The following GATD1 variants were observed in gnomAD, a reference collection of about 807,000 sequenced individuals.
GATD1 encodes the protein glutamine amidotransferase-like class 1 domain-containing protein 1.
In GATD1, 23 loss-of-function variants were observed where a neutral mutation model predicts 25.9. The observed-to-expected ratio is 0.89, with a 90% CI of 0.64 to 1.26. The LOEUF is 1.26. GATD1 is among the 50% of genes most tolerant of loss of function. The pLI is 0.00. For missense variants in GATD1, 347 were observed against 312.5 expected, an observed-to-expected ratio of 1.11 and a Z score of -0.83; for synonymous variants, 177 against 134.6, an observed-to-expected ratio of 1.31 and a Z score of -2.18.
rs182087575 is a variant in GATD1 at position 771,324 on chromosome 11, G to A, written c.544+9C>T. The A allele has an allele frequency of 2.1e-5, 33 of 1,603,848 alleles. No homozygotes were observed. The East Asian group carries it at 3.1e-4, about 15-fold the overall frequency. On this transcript the variant is annotated intron_variant, in intron 6 of 7. Coordinates refer to ENST00000319863, the MANE Select transcript of GATD1 (RefSeq NM_182612.4). ...TTCTGTAAGTGCAGGGGGCACCCTC[G>A]AGGCTCACCACTGAAGCAGGCGCCC...
chr11:774,652 G>A (rs1180227653), intron 2 of GATD1, among the ~76,000 whole-genome samples: 1 of 152,232 alleles, frequency 6.6e-6, no homozygotes, highest in African/African-American at 2.4e-5. Flanking sequence ...CCAACACGGT[G>A]AAAACCCATC....
intron 5 of GATD1, 107 bp downstream of exon 5, chr11:772,320 T>C (rs562222798): frequency 1.2e-5 from 9 of 756,210 alleles, no homozygotes; most frequent in South Asian, 1.2e-4. Flanking sequence ...GAGCACAGCG[T>C]GCCTCGGCCT....
intron 1 of GATD1, among the ~76,000 whole-genome samples, chr11:776,417 C>G (rs972707153): frequency 2.6e-5 from 4 of 152,180 alleles, no homozygotes; most frequent in Non-Finnish European, 5.9e-5. Flanking sequence ...GTGCTGCCCC[C>G]AGCCTGCTGG....
At chr11:772,674 T>G in intron 4 of GATD1, 153 bp from the exon 5 acceptor site, 94 of 651,552 alleles carry the variant, frequency 1.4e-4, no homozygotes, top group Non-Finnish European at 1.6e-4. Flanking sequence ...AGCACCCGGG[T>G]GTCCTGGCTC....
Position 772,505 on chromosome 11 carries a change from G to A in GATD1, c.372C>T (p.Val124=), listed in dbSNP as rs756281713. The part of the protein sequence containing the change: ...FHSESKPICA[V]GHGVAALCCA... ...AGCACAGGGCGGCGACACCGTGGCCGACGGCGCAGATGGGTTCTGAAAGCC... is the reference window on the plus strand; with the variant it reads ...AGCACAGGGCGGCGACACCGTGGCCAACGGCGCAGATGGGTTCTGAAAGCC... Residue 124 remains valine (V), a synonymous_variant, in exon 5 of 8, where the codon GTC becomes GTT. Transcript: ENST00000319863. 8.7e-6 allele frequency: 14 copies of A among 1,611,586 alleles called. No individual in the cohort carries two copies. The highest frequency in any genetic ancestry group is 5.0e-5 in the Admixed American group (3 of 60,002).
In GATD1 at chr11:771,053, C is replaced by A; in HGVS notation, c.596G>T (p.Gly199Val). Residue 199 changes from glycine to valine, a missense_variant, in exon 7 of 8, where the codon GGC becomes GTC. By Grantham distance (109) the Gly-to-Val change is moderately radical (BLOSUM62 -3). Coordinates refer to ENST00000319863, the MANE Select transcript of GATD1 (RefSeq NM_182612.4). ...HVVLDRHLVT[G>V]QNASSTVPAV... Reference sequence around the variant, plus strand: ...CGGGACAGTGGAGCTGGCATTCTGGCCTGTGACCAGGTGGCGGTCCAGCAC... The same window carrying A: ...CGGGACAGTGGAGCTGGCATTCTGGACTGTGACCAGGTGGCGGTCCAGCAC... 6.2e-7 allele frequency: 1 copy of A among 1,612,220 alleles called. No individual in the cohort carries two copies. Among genetic ancestry groups the A allele is most frequent in the Non-Finnish European group, 8.5e-7 (1 of 1,179,786 alleles).
chr11:774,858 C>T (rs745969710), intron 2 of GATD1, among the ~76,000 whole-genome samples: 8 of 152,050 alleles, frequency 5.3e-5, no homozygotes, highest in Admixed American at 2.6e-4. Context: ...AAAAGGTCTC[C>T]CTCATCACAG....
In GATD1 at chr11:767,463, A is replaced by G. The variant is rs1391136807; in HGVS notation, c.*3434T>C. ...AGGAATGACGCAGGGGCCTGCAGGC[A>G]GCTCACGCGGAGACAGGTCTGTGGG... On this transcript the variant is annotated 3_prime_UTR_variant, in exon 8 of 8. Transcript: ENST00000319863. 1 of 1,458,964 alleles carries G rather than the reference A, an allele frequency of 6.9e-7. No individual in the cohort carries two copies. The highest frequency in any genetic ancestry group is 9.0e-7 in the Non-Finnish European group (1 of 1,111,458). The allele number at this position is 1,458,964 out of a possible 1,614,324, so 90.4% of individuals were successfully genotyped here.
chr11:771,361 G>A lies in GATD1; in HGVS notation c.516C>T (p.Phe172=), dbSNP rs372324568. 238 of 1,595,452 alleles carry A rather than the reference G, an allele frequency of 1.5e-4. No homozygotes were observed. Among genetic ancestry groups the A allele is most frequent in the Non-Finnish European group, 2.0e-4 (233 of 1,170,734 alleles). The part of the protein sequence containing the change: ...FARLPLVVED[F]VKDSGACFSA... The stretch of plus-strand genomic sequence containing the variant: ...TGAAGCAGGCGCCCGAATCCTTCAC[G>A]AAGTCCTCCACCACGAGCGGCAGGC... Residue 172 remains phenylalanine (F), a synonymous_variant, in exon 6 of 8, where the codon TTC becomes TTT. Transcript: ENST00000319863.
chr11:771,483 G>A (rs1022993543), intron 5 of GATD1, 57 bp from the exon 6 acceptor site: 2 of 1,480,546 alleles, frequency 1.4e-6, no homozygotes, highest in Admixed American at 2.5e-5. Flanking sequence ...GCCCACCCCA[G>A]GGGTCAGGAA....
rs1863670049 is a variant in GATD1, at chr11:773,619, G to A, written c.258C>T (p.Tyr86=). 6.2e-7 allele frequency: 1 copy of A among 1,606,880 alleles called. No individual in the cohort carries two copies. Among genetic ancestry groups the A allele is most frequent in the African/African-American group, 1.3e-5 (1 of 74,570 alleles). ...GACAGCTGGGGATCAGGAGGGCATG[G>A]TACCGGGCACCTGGGGGGAGACCAC... is the stretch of plus-strand genomic sequence containing the variant. The part of the protein sequence containing the change: ...AKLESIDGAR[Y]HALLIPSCPG... The change falls in exon 4 of 8, where the codon TAC becomes TAT. Residue 86 remains tyrosine, a synonymous_variant. Transcript: ENST00000319863.
rs567942198 is a variant in GATD1 at position 774,360 on chromosome 11, C to T, written c.142-247G>A. 3.3e-5 allele frequency among the ~76,000 whole-genome samples: 5 copies of T among 152,352 alleles called. No homozygotes were observed. In the South Asian group the frequency reaches 1.0e-3, roughly 32 times the overall value. On this transcript the variant is annotated intron_variant, in intron 2 of 7. Transcript: ENST00000319863. ...TTATACATAATAAATAAACAAAAACCCGCAGTGACAAATACATAATGCATC... is the reference window on the plus strand; with the variant it reads ...TTATACATAATAAATAAACAAAAACTCGCAGTGACAAATACATAATGCATC...
At position 770,569 on chromosome 11, in the gene GATD1, C is replaced by T; in HGVS notation, c.*328G>A. On this transcript the variant is annotated 3_prime_UTR_variant, in exon 8 of 8. Transcript: ENST00000319863. Reference sequence around the variant, plus strand: ...GCCGACTCTGTCTAGTCAACAGTGACCACACGTGACAACCAGTCCTCCCTA... The same window carrying T: ...GCCGACTCTGTCTAGTCAACAGTGATCACACGTGACAACCAGTCCTCCCTA... The T allele has an allele frequency of 7.1e-7, 1 of 1,413,170 alleles. No individual in the cohort carries two copies. The highest frequency in any genetic ancestry group is 9.2e-7 in the Non-Finnish European group (1 of 1,086,444). The allele number at this position is 1,413,170 out of a possible 1,614,324, so 87.5% of individuals were successfully genotyped here.
Position 770,874 on chromosome 11 carries a change from G to A in GATD1, c.*23C>T. The A allele has an allele frequency of 6.3e-7, 1 of 1,596,886 alleles. No homozygotes were observed. The highest frequency in any genetic ancestry group is 8.5e-7 in the Non-Finnish European group (1 of 1,169,970). On this transcript the variant is annotated 3_prime_UTR_variant, in exon 8 of 8. Coordinates refer to ENST00000319863, the MANE Select transcript of GATD1 (RefSeq NM_182612.4). Reference sequence around the variant, plus strand: ...CTCTGGAGACACCTGGGCTGTCTCAGGGGGTGCATCTACCCAGCAGGTTCA... The same window carrying A: ...CTCTGGAGACACCTGGGCTGTCTCAAGGGGTGCATCTACCCAGCAGGTTCA...
In GATD1 at chr11:770,448, G is replaced by C; in HGVS notation, c.*449C>G. On this transcript the variant is annotated 3_prime_UTR_variant, in exon 8 of 8. Coordinates refer to ENST00000319863, the MANE Select transcript of GATD1 (RefSeq NM_182612.4). ...CCAAAGTTCTGAGCCAGCTCCCGCC[G>C]GCTGGGCCCTCCCCTCAAGGCCCCC... 6.8e-7 allele frequency: 1 copy of C among 1,479,524 alleles called. No homozygotes were observed. The highest frequency in any genetic ancestry group is 1.3e-5 in the South Asian group (1 of 76,444). The allele number at this position is 1,479,524 out of a possible 1,614,324, so 91.6% of individuals were successfully genotyped here. A position where few individuals can be genotyped will look rare whatever the true frequency, so the allele number is the denominator to read the frequency against.
chr11:771,933 C>T (rs533099968), intron 5 of GATD1, among the ~76,000 whole-genome samples: 21 of 152,136 alleles, frequency 1.4e-4, no homozygotes, highest in Admixed American at 5.9e-4. Flanking sequence ...AACCAGCCTC[C>T]GCACAGCAGC....
At chr11:773,407 C>T in intron 4 of GATD1, 115 bp downstream of exon 4, 1 of 855,172 alleles carries the variant, frequency 1.2e-6, no homozygotes, top group Non-Finnish European at 1.9e-6. Context: ...GGCCACTGAC[C>T]AGAGATCCAG....
At chr11:774,660 A>G (rs559954470) in intron 2 of GATD1, among the ~76,000 whole-genome samples, 50 of 152,272 alleles carry the variant, frequency 3.3e-4, no homozygotes, top group Admixed American at 1.9e-3. Context: ...GTGAAAACCC[A>G]TCTCTACTAA....
At position 768,890 on chromosome 11, in the gene GATD1, C is replaced by G. The variant is rs1863209358; in HGVS notation, c.*2007G>C. The G allele has an allele frequency of 6.5e-6, 1 of 152,922 alleles. No individual in the cohort carries two copies. The highest frequency in any genetic ancestry group is 6.6e-5 in the Admixed American group (1 of 15,264). The allele number at this position is 152,922 out of a possible 1,614,324, so 9.5% of individuals were successfully genotyped here. ...CCGAGGCGGGAGGATCACTTGAGGTCAGGAGTTCGAGACCAGCCTGGCCAA... is the reference window on the plus strand; with the variant it reads ...CCGAGGCGGGAGGATCACTTGAGGTGAGGAGTTCGAGACCAGCCTGGCCAA... On this transcript the variant is annotated 3_prime_UTR_variant, in exon 8 of 8. Coordinates refer to ENST00000319863, the MANE Select transcript of GATD1 (RefSeq NM_182612.4).
Sources: gnomAD v4.1 joint callset for allele counts (sites outside exome capture counted in the v4.1 genomes callset) on GRCh38, gnomAD v4.1.1 for gene constraint, MANE v1.5 for transcripts, NCBI Gene and HGNC (gene_info 2026-07-23, HGNC 2026-07-21) for gene names.